The following ZEB1 variants were observed in gnomAD, a reference collection of about 807,000 sequenced individuals.
ZEB1 encodes the protein zinc finger E-box-binding homeobox 1.
In ZEB1, 21 loss-of-function variants were observed where a neutral mutation model predicts 84.9. The observed-to-expected ratio is 0.25, with a 90% CI of 0.18 to 0.36. The LOEUF is 0.36. ZEB1 is among the 10% of genes least tolerant of loss of function. The pLI, the probability that ZEB1 is intolerant of heterozygous loss-of-function variation, is 1.00. For missense variants in ZEB1, 1,104 were observed against 1,330.2 expected (o/e 0.83, Z 2.65); for synonymous variants, 420 against 471.1 (o/e 0.89, Z 1.41).
In ZEB1 at chr10:31,521,330, A is replaced by G; in HGVS notation, c.1998A>G (p.Ala666=). The change falls in exon 7 of 9, where the codon GCA becomes GCG. Residue 666 remains alanine (A), a synonymous_variant. Transcript: ENST00000424869. ...AGAACAATGATCAGCCTCAATCTGC[A>G]AATGCAAATGAACCCCAGGACAGCA... ...PAKNNDQPQS[A]NANEPQDSTV... The G allele has an allele frequency of 1.2e-6, 2 of 1,614,140 alleles. No homozygotes were observed. The highest frequency in any genetic ancestry group is 1.7e-6 in the Non-Finnish European group (2 of 1,180,020).
Position 31,329,012 on chromosome 10 carries a change from T to TGC in ZEB1, c.58+9722_58+9723dup, listed in dbSNP as rs145262091. Among the ~76,000 whole-genome samples, 1,942 of 152,052 alleles carry TGC rather than the reference T, an allele frequency of 0.013. 105 individuals are homozygous for TGC. In the East Asian group the frequency reaches 0.18, roughly 14 times the overall value. The stretch of plus-strand genomic sequence containing the variant: ...ATACCCTGGTGTGTGTGTGTGTGTG[T>TGC]GCGTGTGAACTTAATTGAGGTATAA... On this transcript the variant is annotated intron_variant, in intron 1 of 8. Coordinates refer to ENST00000424869, the MANE Select transcript of ZEB1 (RefSeq NM_001174096.2).
At chr10:31,504,487 G>A (rs2068620419) in intron 4 of ZEB1, among the ~76,000 whole-genome samples, 1 of 151,996 alleles carries the variant, frequency 6.6e-6, no homozygotes, top group Non-Finnish European at 1.5e-5. Context: ...CTGCTTCTGT[G>A]AAAAATGACA....
chr10:31,351,512 C>T (rs1197912573), intron 1 of ZEB1, among the ~76,000 whole-genome samples: 2 of 151,898 alleles, frequency 1.3e-5, no homozygotes, highest in Non-Finnish European at 2.9e-5. Context: ...TGTGGACTTC[C>T]TTTTTTTCCT....
intron 1 of ZEB1, 67 bp downstream of exon 1, chr10:31,319,359 G>C: frequency 6.6e-7 from 1 of 1,525,636 alleles, no homozygotes; most frequent in Non-Finnish European, 9.0e-7. Flanking sequence ...GCGCCCCCGG[G>C]GGTGAGGGGG....
At chr10:31,364,351 G>A (rs1413857027) in intron 1 of ZEB1, among the ~76,000 whole-genome samples, 5 of 152,216 alleles carry the variant, frequency 3.3e-5, no homozygotes, top group Non-Finnish European at 2.9e-5. Flanking sequence ...TGGGGCTGTT[G>A]GGGGTGCGAG....
chr10:31,439,699 A>G (rs1040974989), intron 1 of ZEB1, among the ~76,000 whole-genome samples: 4 of 152,166 alleles, frequency 2.6e-5, no homozygotes, highest in African/African-American at 7.2e-5. Flanking sequence ...TAAATAGAGC[A>G]GTCATAGGAG....
intron 1 of ZEB1, among the ~76,000 whole-genome samples, chr10:31,436,244 G>A (rs916040955): frequency 1.3e-5 from 2 of 152,134 alleles, no homozygotes; most frequent in Admixed American, 1.3e-4. Flanking sequence ...TGATTATTAT[G>A]TATGTCCTTC....
intron 1 of ZEB1, among the ~76,000 whole-genome samples, chr10:31,448,466 T>C (rs1353122252): frequency 2.2e-4 from 32 of 148,502 alleles, no homozygotes; most frequent in Non-Finnish European, 4.0e-4. Context: ...GGAACTGCGT[T>C]CCTTTGGAGG....
chr10:31,421,936 C>G (rs1019173061), intron 1 of ZEB1, among the ~76,000 whole-genome samples: 1 of 152,048 alleles, frequency 6.6e-6, no homozygotes, highest in Non-Finnish European at 1.5e-5. Context: ...TATTCCCCCC[C>G]TCCCCGCTGA....
At chr10:31,447,161 T>G (rs1265887537) in intron 1 of ZEB1, among the ~76,000 whole-genome samples, 1 of 152,068 alleles carries the variant, frequency 6.6e-6, no homozygotes, top group East Asian at 1.9e-4. Flanking sequence ...CCCTTTACCA[T>G]TATGTAATGG....
chr10:31,466,387 T>C (rs1017549864), intron 2 of ZEB1, among the ~76,000 whole-genome samples: 5 of 152,182 alleles, frequency 3.3e-5, no homozygotes, highest in African/African-American at 9.7e-5. Context: ...TTTAACAAAT[T>C]TAAAATTAAA....
intron 1 of ZEB1, among the ~76,000 whole-genome samples, chr10:31,367,455 T>C (rs1211418688): frequency 6.6e-6 from 1 of 152,166 alleles, no homozygotes; most frequent in Non-Finnish European, 1.5e-5. Flanking sequence ...TAGCTCTGCT[T>C]TCGAAGGCTT....
intron 2 of ZEB1, among the ~76,000 whole-genome samples, chr10:31,493,439 A>G (rs1418083761): frequency 6.6e-6 from 1 of 151,994 alleles, no homozygotes; most frequent in African/African-American, 2.4e-5. Flanking sequence ...ACTATAAACA[A>G]AAACCTTAGG....
intron 1 of ZEB1, among the ~76,000 whole-genome samples, chr10:31,444,941 A>G (rs1241730333): frequency 1.3e-5 from 2 of 152,078 alleles, no homozygotes; most frequent in African/African-American, 4.8e-5. Flanking sequence ...TTTTTTTCCA[A>G]TTCTGTGAAG....
intron 1 of ZEB1, among the ~76,000 whole-genome samples, chr10:31,360,692 CAG>C (rs1380605513): frequency 6.6e-6 from 1 of 152,128 alleles, no homozygotes; most frequent in African/African-American, 2.4e-5. Context: ...ACATGGAAAA[CAG>C]TTTTTTTATC....
chr10:31,509,879 CA>C (rs1178008611), intron 4 of ZEB1, among the ~76,000 whole-genome samples: 41 of 152,310 alleles, frequency 2.7e-4, no homozygotes, highest in African/African-American at 9.4e-4. Context: ...CAGGCTTAGA[CA>C]GCTCCAAGTG....
chr10:31,471,326 G>A (rs1240014742), intron 2 of ZEB1, among the ~76,000 whole-genome samples: 8 of 138,390 alleles, frequency 5.8e-5, no homozygotes, highest in South Asian at 2.5e-4. Flanking sequence ...CCCATCTCAC[G>A]TGCAGAGACA....
intron 2 of ZEB1, among the ~76,000 whole-genome samples, chr10:31,462,881 T>C (rs2061972213): frequency 6.6e-6 from 1 of 152,080 alleles, no homozygotes; most frequent in Non-Finnish European, 1.5e-5. Flanking sequence ...TTAAAGTAGT[T>C]GCCCATGGGA....
intron 6 of ZEB1, among the ~76,000 whole-genome samples, chr10:31,518,191 T>G (rs142987321): frequency 6.6e-6 from 1 of 152,300 alleles, no homozygotes; most frequent in East Asian, 1.9e-4. Flanking sequence ...TTTTGTCTGT[T>G]GTATTTTGAG....
Sources: allele counts gnomAD v4.1 joint callset (sites outside exome capture counted in the v4.1 genomes callset), GRCh38; gene constraint gnomAD v4.1.1; transcripts MANE v1.5; gene names NCBI Gene and HGNC (gene_info 2026-07-23, HGNC 2026-07-21).